DNAH12: variants seen among roughly 807,000 people sequenced by gnomAD.
The protein encoded by DNAH12 is axonemal beta dynein heavy chain 12.
DNAH12 carries 285 observed loss-of-function variants against 371.5 expected under a neutral mutation model. The observed-to-expected ratio is 0.77, with a 90% CI of 0.70 to 0.85. The LOEUF (loss-of-function observed/expected upper bound fraction) is 0.85, where lower values mean the gene tolerates loss of function less well. Among genes scored for constraint, DNAH12 ranks in the 40% least tolerant of loss-of-function variants. DNAH12 has a pLI of 0.00. For missense variants in DNAH12, 3,611 were observed against 3,689.4 expected (o/e 0.98, Z 0.55); for synonymous variants, 1,200 against 1,213.0 (o/e 0.99, Z 0.22).
chr3:57,483,882 G>T (rs923998961), intron 12 of DNAH12, among the ~76,000 whole-genome samples: 2 of 140,006 alleles, frequency 1.4e-5, no homozygotes, highest in African/African-American at 5.2e-5. Context: ...AGCTTGGGAG[G>T]TTGAGCTACA....
chr3:57,523,780 T>C, intron 3 of DNAH12, 23 bp downstream of exon 3: 1 of 1,578,410 alleles, frequency 6.3e-7, no homozygotes, highest in African/African-American at 1.4e-5. Context: ...GATAAACTTT[T>C]TAACGAGAAA....
chr3:57,322,658 G>A (rs1183407607), intron 64 of DNAH12, among the ~76,000 whole-genome samples, 175 bp from the exon 65 acceptor site: 4 of 151,942 alleles, frequency 2.6e-5, no homozygotes, highest in African/African-American at 9.7e-5. Flanking sequence ...GGCCAGGCGT[G>A]GTGGTGCATG....
intron 43 of DNAH12, among the ~76,000 whole-genome samples, chr3:57,398,063 A>G (rs1414515162): frequency 6.6e-6 from 1 of 152,216 alleles, no homozygotes; most frequent in African/African-American, 2.4e-5. Flanking sequence ...AAAACAATGC[A>G]TGAACAAAAT....
chr3:57,476,307 T>C (rs1464903741), intron 13 of DNAH12, among the ~76,000 whole-genome samples: 2 of 152,168 alleles, frequency 1.3e-5, no homozygotes, highest in Non-Finnish European at 2.9e-5. Flanking sequence ...GGCTCATGCC[T>C]GTAATCCTAG....
At position 57,405,695 on chromosome 3, in the gene DNAH12, T is replaced by C; in HGVS notation, c.6534A>G (p.Ser2178=). The C allele has an allele frequency of 1.9e-6, 3 of 1,551,722 alleles. No homozygotes were observed. The highest frequency in any genetic ancestry group is 2.4e-5 in the East Asian group (1 of 40,930). The change falls in exon 41 of 74, where the codon TCA becomes TCG. Residue 2178 remains serine, a synonymous_variant. Transcript: ENST00000495027. The part of the protein sequence containing the change: ...KTVIKDHFKE[S]FHSIFSHLRK... ...TCAAATGTGAAAAGATACTGTGAAA[T>C]GATTCTTTAAAATGGTCCTTTATAA...
intron 2 of DNAH12, among the ~76,000 whole-genome samples, chr3:57,541,551 G>T (rs1185527745): frequency 2.0e-5 from 3 of 150,672 alleles, no homozygotes; most frequent in Admixed American, 2.0e-4. Flanking sequence ...TTTTTATAGC[G>T]ATGAGGGTCT....
the DNAH12 span, among the ~76,000 whole-genome samples, chr3:57,551,553 A>C: frequency 1.3e-5 from 2 of 152,206 alleles, no homozygotes; most frequent in Admixed American, 6.6e-5. Flanking sequence ...TACAGGCATT[A>C]GCCACCGCGC....
At chr3:57,389,009 A>C (rs1020052136) in intron 45 of DNAH12, among the ~76,000 whole-genome samples, 2 of 152,190 alleles carry the variant, frequency 1.3e-5, no homozygotes, top group Non-Finnish European at 2.9e-5. Context: ...CATATGTAAC[A>C]AACCTGCACG....
intron 56 of DNAH12, among the ~76,000 whole-genome samples, chr3:57,367,772 G>A (rs2063083378): frequency 6.6e-6 from 1 of 152,086 alleles, no homozygotes; most frequent in Admixed American, 6.5e-5. Flanking sequence ...ACAGGATAAA[G>A]CAATTTCAAG....
intron 39 of DNAH12, 36 bp downstream of exon 39, chr3:57,413,710 A>AT: frequency 1.3e-6 from 2 of 1,524,950 alleles, no homozygotes; most frequent in Non-Finnish European, 1.8e-6. Flanking sequence ...AAACTGAGGT[A>AT]TAACTTCAGC....
intron 45 of DNAH12, among the ~76,000 whole-genome samples, chr3:57,387,672 C>T (rs1044265172): frequency 2.0e-5 from 3 of 152,200 alleles, no homozygotes; most frequent in Admixed American, 6.5e-5. Context: ...TCAGAATGGC[C>T]AATGACACAT....
chr3:57,555,500 T>A, the DNAH12 span, among the ~76,000 whole-genome samples: 1 of 152,284 alleles, frequency 6.6e-6, no homozygotes, highest in African/African-American at 2.4e-5. Flanking sequence ...ATCAGGCCAC[T>A]GCACTCCAGC....
intron 27 of DNAH12, 151 bp downstream of exon 27, chr3:57,445,880 C>T (rs140918077): frequency 0.026 from 16,966 of 641,322 alleles, 297 homozygotes; most frequent in Middle Eastern, 0.035. Context: ...CCCAGCTACT[C>T]GGGAGACTGA....
At chr3:57,500,160 C>A (rs563027171) in intron 11 of DNAH12, among the ~76,000 whole-genome samples, 13 of 141,096 alleles carry the variant, frequency 9.2e-5, no homozygotes, top group South Asian at 4.2e-4. Context: ...ACTCCTCAGC[C>A]CCCCCTAGTA....
chr3:57,498,405 C>T (rs746831297), intron 11 of DNAH12: 61 of 691,996 alleles, frequency 8.8e-5, no homozygotes, highest in Admixed American at 1.7e-4. Context: ...CAGACTCGAA[C>T]TCCTAGGCTC....
chr3:57,422,258 C>T (rs773338095), intron 35 of DNAH12, among the ~76,000 whole-genome samples: 1 of 150,398 alleles, frequency 6.6e-6, no homozygotes, highest in Non-Finnish European at 1.5e-5. Flanking sequence ...GAGACAGTCT[C>T]ACTCTCTCAC....
In DNAH12 at chr3:57,309,710, T is replaced by C. The variant is rs757333693; in HGVS notation, c.11041A>G (p.Thr3681Ala). ...GSKQTGASGS[T>A]DQILLEITKD... ...GTAATTTCTAACAGAATCTGATCAGTACTTCCTGAGGCTCCTGTCTGTTTG... is the reference window on the plus strand; with the variant it reads ...GTAATTTCTAACAGAATCTGATCAGCACTTCCTGAGGCTCCTGTCTGTTTG... Residue 3681 changes from threonine to alanine, a missense_variant, in exon 68 of 74, where the codon ACT (threonine) becomes GCT (alanine). This residue lies in a region of DNAH12 where 2,266 missense variants were observed against 2,236.9 expected (regional missense o/e 1.01). Transcript: ENST00000495027. The C allele has an allele frequency of 1.3e-5, 20 of 1,549,378 alleles. No homozygotes were observed. The South Asian group carries it at 2.3e-4, about 18-fold the overall frequency.
intron 17 of DNAH12, among the ~76,000 whole-genome samples, chr3:57,468,092 G>A (rs1399712243): frequency 6.6e-6 from 1 of 152,148 alleles, no homozygotes; most frequent in Non-Finnish European, 1.5e-5. Flanking sequence ...AGGCTTTTGA[G>A]TCCAGAGCTT....
chr3:57,408,733 A>AG (rs1553682139), intron 39 of DNAH12, among the ~76,000 whole-genome samples, 198 bp from the exon 40 acceptor site: 3 of 119,202 alleles, frequency 2.5e-5, no homozygotes, highest in African/African-American at 8.9e-5. Context: ...TCTGCTACCC[A>AG]GATTTTGGAT....
Sources: gnomAD v4.1 joint callset for allele counts (sites outside exome capture counted in the v4.1 genomes callset) on GRCh38, gnomAD v4.1.1 for gene constraint, gnomAD v4.1.1 regional missense constraint, MANE v1.5 for transcripts, NCBI Gene and HGNC (gene_info 2026-07-23, HGNC 2026-07-21) for gene names.